The following IFT81 variants were observed in gnomAD, a reference collection of about 807,000 sequenced individuals.
IFT81 encodes the protein intraflagellar transport protein 81 homolog.
In IFT81, 72 loss-of-function variants were observed where a neutral mutation model predicts 102.6. The observed-to-expected ratio is 0.70, with a 90% CI of 0.58 to 0.85. The LOEUF (loss-of-function observed/expected upper bound fraction) is 0.85. Among genes scored for constraint, IFT81 ranks in the 40% least tolerant of loss-of-function variants. The probability of loss-of-function intolerance (pLI) is 0.00; values close to 1 mark genes in which losing one functional copy is unlikely to be tolerated. For synonymous variants in IFT81, 237 were observed against 242.7 expected (o/e 0.98, Z 0.22); for missense variants, 723 against 787.3 (o/e 0.92, Z 0.98).
chr12:110,195,902 C>T (rs1897979155), intron 14 of IFT81, among the ~76,000 whole-genome samples: 1 of 152,064 alleles, frequency 6.6e-6, no homozygotes, highest in Non-Finnish European at 1.5e-5. Flanking sequence ...CGACAATCTT[C>T]TAGGGTTAAA....
At chr12:110,193,959 C>T (rs921728141) in intron 14 of IFT81, among the ~76,000 whole-genome samples, 1 of 152,154 alleles carries the variant, frequency 6.6e-6, no homozygotes, top group Non-Finnish European at 1.5e-5. Flanking sequence ...CATCTACTCA[C>T]CTTCTAGGGA....
At chr12:110,132,793 T>G (rs980219091) in intron 5 of IFT81, among the ~76,000 whole-genome samples, 157 bp downstream of exon 5, 3 of 152,188 alleles carry the variant, frequency 2.0e-5, no homozygotes, top group African/African-American at 7.2e-5. Flanking sequence ...AGTTCCTTAC[T>G]GATGAAATTG....
In IFT81 at chr12:110,128,165, C is replaced by T. The variant is rs775008321; in HGVS notation, c.248+16C>T. 6.7e-6 allele frequency: 10 copies of T among 1,487,400 alleles called. No homozygotes were observed. Among genetic ancestry groups the T allele is most frequent in the Admixed American group, 1.7e-5 (1 of 59,032 alleles). The allele number at this position is 1,487,400 out of a possible 1,614,324, so 92.1% of individuals were successfully genotyped here. ...CCACAGATATGTAAGAATCTGATCA[C>T]GTATTGAGTTTTTAAAATTATGCTT... On this transcript the variant is annotated intron_variant, in intron 3 of 18. Coordinates refer to ENST00000242591, the MANE Select transcript of IFT81 (RefSeq NM_014055.4).
chr12:110,201,434 T>A (rs1898266284), intron 14 of IFT81, among the ~76,000 whole-genome samples: 1 of 151,552 alleles, frequency 6.6e-6, no homozygotes, highest in South Asian at 2.1e-4. Flanking sequence ...AAATTTTTGT[T>A]TTTTGTTTTT....
chr12:110,153,715 A>G (rs1895674005), intron 10 of IFT81, among the ~76,000 whole-genome samples: 1 of 148,308 alleles, frequency 6.7e-6, no homozygotes, highest in South Asian at 2.2e-4. Context: ...GGTTTAAGTG[A>G]TTCTCCTGCC....
intron 1 of IFT81, among the ~76,000 whole-genome samples, chr12:110,127,049 C>T (rs1462744427): frequency 6.6e-6 from 1 of 152,102 alleles, no homozygotes; most frequent in Non-Finnish European, 1.5e-5. Context: ...AGAAATTATG[C>T]ACCGGTATGG....
intron 8 of IFT81, among the ~76,000 whole-genome samples, chr12:110,141,426 T>C (rs1222551056): frequency 6.6e-6 from 1 of 152,226 alleles, no homozygotes; most frequent in Non-Finnish European, 1.5e-5. Context: ...ATGGAAAACT[T>C]AGAATTTGCA....
At chr12:110,169,751 C>T (rs569407714) in intron 11 of IFT81, among the ~76,000 whole-genome samples, 104 of 150,420 alleles carry the variant, frequency 6.9e-4, no homozygotes, top group African/African-American at 2.4e-3. Context: ...TTAGTACAGA[C>T]GGAGTTTCAC....
chr12:110,127,997 C>G (rs541293931), intron 2 of IFT81, 49 bp from the exon 3 acceptor site: 1 of 1,266,272 alleles, frequency 7.9e-7, no homozygotes, highest in East Asian at 2.3e-5. Flanking sequence ...AAATATTGTC[C>G]TTTGTTACAT....
chr12:110,209,228 T>C lies in IFT81; in HGVS notation c.1848+12T>C, dbSNP rs377221943. On this transcript the variant is annotated intron_variant, in intron 18 of 18. Coordinates refer to ENST00000242591, the MANE Select transcript of IFT81 (RefSeq NM_014055.4). ...AAAACCTTGGAAAGGTAAGAATTAT[T>C]ATTTATTTTTTTAAATGTGTCTAAC... The C allele has an allele frequency of 2.6e-4, 374 of 1,428,304 alleles. 1 individual carries two copies. Among genetic ancestry groups the C allele is most frequent in the Non-Finnish European group, 3.5e-4 (361 of 1,019,422 alleles). The allele number at this position is 1,428,304 out of a possible 1,614,324, so 88.5% of individuals were successfully genotyped here. A position where few individuals can be genotyped will look rare whatever the true frequency, so the allele number is the denominator to read the frequency against.
chr12:110,125,359 C>T (rs550132331), intron 1 of IFT81, among the ~76,000 whole-genome samples: 2 of 152,144 alleles, frequency 1.3e-5, no homozygotes, highest in East Asian at 3.9e-4. Flanking sequence ...ATTATTTGTG[C>T]GTAATTTTTC....
chr12:110,151,586 G>A (rs1471959850), intron 10 of IFT81, among the ~76,000 whole-genome samples: 3 of 152,146 alleles, frequency 2.0e-5, no homozygotes, highest in African/African-American at 7.2e-5. Context: ...ACAACATGAT[G>A]TTTTGAAATA....
chr12:110,170,054 G>A (rs1033889421), intron 11 of IFT81, among the ~76,000 whole-genome samples: 2 of 151,916 alleles, frequency 1.3e-5, no homozygotes, highest in African/African-American at 2.4e-5. Flanking sequence ...CCGGGTTCAC[G>A]CCATTCTCCT....
At chr12:110,177,541 C>T (rs1897091888) in intron 11 of IFT81, among the ~76,000 whole-genome samples, 1 of 152,182 alleles carries the variant, frequency 6.6e-6, no homozygotes, top group African/African-American at 2.4e-5. Flanking sequence ...ACCTCAGCCT[C>T]CCAAAGTGCT....
intron 13 of IFT81, among the ~76,000 whole-genome samples, chr12:110,191,534 T>C (rs1309864098): frequency 6.6e-6 from 1 of 152,178 alleles, no homozygotes; most frequent in Non-Finnish European, 1.5e-5. Flanking sequence ...CAAATTCTAA[T>C]AGTTTATGCA....
chr12:110,193,744 G>A lies in IFT81; in HGVS notation c.1557+1038G>A, dbSNP rs186133485. 1.2e-3 allele frequency among the ~76,000 whole-genome samples: 188 copies of A among 152,276 alleles called. 1 individual carries two copies. Among genetic ancestry groups the A allele is most frequent in the African/African-American group, 4.4e-3 (183 of 41,552 alleles). On this transcript the variant is annotated intron_variant, in intron 14 of 18. Coordinates refer to ENST00000242591, the MANE Select transcript of IFT81 (RefSeq NM_014055.4). ...CTGAACTATTAGGAAATTTTACAGG[G>A]AAGTGTTAATATATTTCCTTTGTGT...
chr12:110,209,783 A>AAG (rs1303146198), intron 18 of IFT81, among the ~76,000 whole-genome samples: 1 of 152,098 alleles, frequency 6.6e-6, no homozygotes, highest in African/African-American at 2.4e-5. Flanking sequence ...AAAAAAAAAA[A>AAG]AAAAATTATT....
intron 14 of IFT81, among the ~76,000 whole-genome samples, chr12:110,193,504 AC>A (rs1213034701): frequency 1.3e-5 from 2 of 152,186 alleles, no homozygotes; most frequent in Non-Finnish European, 2.9e-5. Flanking sequence ...ACTAGTTCTA[AC>A]CACTGCTTTA....
intron 7 of IFT81, among the ~76,000 whole-genome samples, chr12:110,136,148 C>T (rs1325961122): frequency 6.6e-6 from 1 of 152,130 alleles, no homozygotes; most frequent in Non-Finnish European, 1.5e-5. Context: ...GCAAATAAGT[C>T]ATGAAAAGGC....
Sources: gnomAD v4.1 joint callset for allele counts (sites outside exome capture counted in the v4.1 genomes callset) on GRCh38, gnomAD v4.1.1 for gene constraint, MANE v1.5 for transcripts, NCBI Gene and HGNC (gene_info 2026-07-23, HGNC 2026-07-21) for gene names.